Variants in SEMA4F observed in about 807,000 individuals in gnomAD.
SEMA4F encodes the protein ssemaphorin 4F, also known as semaphorin-4F.
SEMA4F carries 51 observed loss-of-function variants against 78.4 expected under a neutral mutation model. That is an observed-to-expected ratio of 0.65 (90% CI 0.52 to 0.82). The LOEUF (loss-of-function observed/expected upper bound fraction) is 0.82. SEMA4F is among the 40% of genes least tolerant of loss of function. SEMA4F has a pLI of 0.00. For synonymous variants in SEMA4F, 418 were observed against 408.7 expected, an observed-to-expected ratio of 1.02 and a Z score of -0.27; for missense variants, 938 against 1,014.4, an observed-to-expected ratio of 0.92 and a Z score of 1.02.
the SEMA4F span, among the ~76,000 whole-genome samples, chr2:74,704,029 A>G: frequency 6.6e-6 from 1 of 152,160 alleles, no homozygotes; most frequent in Non-Finnish European, 1.5e-5. Context: ...TAGACTGCAC[A>G]GGGGAGAAGA....
downstream of SEMA4F, among the ~76,000 whole-genome samples, chr2:74,686,998 GAAGAA>G (rs754021670): frequency 1.3e-5 from 2 of 151,616 alleles, no homozygotes; most frequent in African/African-American, 2.4e-5. Flanking sequence ...AAAAAAAAAA[GAAGAA>G]AAGAAAACTA....
intron 12 of SEMA4F, among the ~76,000 whole-genome samples, chr2:74,676,224 T>A (rs192841394): frequency 3.6e-4 from 55 of 152,354 alleles, no homozygotes; most frequent in Middle Eastern, 3.4e-3. Context: ...GTCCACTCCC[T>A]CTTTCCTTGA....
In SEMA4F at chr2:74,679,878, C is replaced by T. The variant is rs535914516; in HGVS notation, c.1982C>T (p.Ala661Val). The change falls in exon 14 of 14, where the codon GCG becomes GTG. Residue 661 changes from alanine (A) to valine (V), a missense_variant. Coordinates refer to ENST00000357877, the MANE Select transcript of SEMA4F (RefSeq NM_004263.5). Reference protein sequence around the residue: ...DAPSRAHTVGAGLAGFFLGIL... With the variant: ...DAPSRAHTVGVGLAGFFLGIL... Reference sequence around the variant, plus strand: ...CCGAGCCGGGCCCACACAGTGGGGGCGGGACTGGCTGGCTTCTTCTTGGGG... The same window carrying T: ...CCGAGCCGGGCCCACACAGTGGGGGTGGGACTGGCTGGCTTCTTCTTGGGG... The T allele has an allele frequency of 1.7e-5, 28 of 1,614,162 alleles. No homozygotes were observed. Among genetic ancestry groups the T allele is most frequent in the South Asian group, 1.4e-4 (13 of 91,086 alleles).
intron 10 of SEMA4F, 67 bp downstream of exon 10, chr2:74,675,451 G>A (rs1313123570): frequency 1.9e-6 from 3 of 1,590,890 alleles, no homozygotes; most frequent in Non-Finnish European, 2.6e-6. Context: ...AGAGGGTACT[G>A]TAATACATAT....
At chr2:74,672,466 C>T (rs527674886) in intron 5 of SEMA4F, among the ~76,000 whole-genome samples, 67 of 152,254 alleles carry the variant, frequency 4.4e-4, no homozygotes, top group African/African-American at 8.7e-4. Flanking sequence ...ACTTAGCACC[C>T]GGCACAGTTG....
rs1685713692 is a variant in SEMA4F at position 74,683,179 on chromosome 2, T to C, written c.*2970T>C. ...CATTTGTAAGACAGCAGGGATTCTC[T>C]GAAGATTAATGATTGAGAAGGATGA... On this transcript the variant is annotated 3_prime_UTR_variant, in exon 14 of 14. Transcript: ENST00000357877. The C allele has an allele frequency of 6.6e-6, 1 of 152,194 alleles. No homozygotes were observed. The highest frequency in any genetic ancestry group is 1.5e-5 in the Non-Finnish European group (1 of 68,040). The allele number at this position is 152,194 out of a possible 1,614,324, so 9.4% of individuals were successfully genotyped here. A position where few individuals can be genotyped will look rare whatever the true frequency, so the allele number is the denominator to read the frequency against.
In SEMA4F at chr2:74,673,495, G is replaced by T. The variant is rs1387273660; in HGVS notation, c.589G>T (p.Gly197Trp). The T allele has an allele frequency of 6.2e-7, 1 of 1,614,136 alleles. No individual in the cohort carries two copies. The highest frequency in any genetic ancestry group is 8.5e-7 in the Non-Finnish European group (1 of 1,180,018). Residue 197 changes from glycine (G) to tryptophan (W), a missense_variant, in exon 6 of 14, where the codon GGG (glycine) becomes TGG (tryptophan). Coordinates refer to ENST00000357877, the MANE Select transcript of SEMA4F (RefSeq NM_004263.5). ...TGCTGCCACTGTGAAAAACTACCTG[G>T]GGACGGAGCCAATTATCACCAGAGC... ...LYAATVKNYL[G>W]TEPIITRAVG... is the part of the protein sequence containing the mutation.
chr2:74,703,228 G>A, the SEMA4F span, among the ~76,000 whole-genome samples: 1 of 152,106 alleles, frequency 6.6e-6, no homozygotes, highest in African/African-American at 2.4e-5. Context: ...CTGAGCTGGG[G>A]GAAGATACAA....
chr2:74,673,964 A>C, intron 7 of SEMA4F, 136 bp downstream of exon 7: 1 of 1,061,166 alleles, frequency 9.4e-7, no homozygotes, highest in South Asian at 1.5e-5. Flanking sequence ...CTCTTCTGGG[A>C]GCTTGAGGAA....
intron 12 of SEMA4F, among the ~76,000 whole-genome samples, chr2:74,677,888 T>C (rs923814006): frequency 6.6e-6 from 1 of 152,236 alleles, no homozygotes; most frequent in Non-Finnish European, 1.5e-5. Context: ...GGGCTAGATA[T>C]GAAAGAAAAA....
At chr2:74,706,090 AAG>A in the SEMA4F span, among the ~76,000 whole-genome samples, 1 of 152,218 alleles carries the variant, frequency 6.6e-6, no homozygotes, top group African/African-American at 2.4e-5. Context: ...AAAAATGAAT[AAG>A]AGAAGGAGAA....
At chr2:74,654,843 G>A (rs910763560) in intron 1 of SEMA4F, among the ~76,000 whole-genome samples, 5 of 152,212 alleles carry the variant, frequency 3.3e-5, no homozygotes, top group African/African-American at 1.2e-4. Flanking sequence ...GGACACTGAG[G>A]CCCAGAGCTC....
chr2:74,673,547 G>A lies in SEMA4F; in HGVS notation c.641G>A (p.Arg214Gln), dbSNP rs758736621. Residue 214 changes from arginine (R) to glutamine (Q), a missense_variant, in exon 6 of 14, where the codon CGG becomes CAG. Arg to Gln is a conservative substitution (Grantham distance 43, BLOSUM62 1). Transcript: ENST00000357877. ...GTGGGTCGTGCCGAGGACTGGATTCGGACAGATACCTTGCCTTCCTGGCTG... is the reference window on the plus strand; with the variant it reads ...GTGGGTCGTGCCGAGGACTGGATTCAGACAGATACCTTGCCTTCCTGGCTG... ...RAVGRAEDWIRTDTLPSWLNA... is the reference protein window; with the variant it reads ...RAVGRAEDWIQTDTLPSWLNA... 3.1e-6 allele frequency: 5 copies of A among 1,614,128 alleles called. No homozygotes were observed. Among genetic ancestry groups the A allele is most frequent in the Admixed American group, 1.7e-5 (1 of 60,018 alleles).
chr2:74,691,364 G>A, the SEMA4F span, among the ~76,000 whole-genome samples: 2 of 152,278 alleles, frequency 1.3e-5, no homozygotes, highest in Admixed American at 6.5e-5. Context: ...CTTTGGACAA[G>A]GTGTGCAGCC....
At chr2:74,659,136 C>T (rs1321016358) in intron 4 of SEMA4F, among the ~76,000 whole-genome samples, 1 of 152,198 alleles carries the variant, frequency 6.6e-6, no homozygotes, top group African/African-American at 2.4e-5. Flanking sequence ...GTTCGCAGTT[C>T]AGGGTGTTGG....
intron 12 of SEMA4F, among the ~76,000 whole-genome samples, chr2:74,677,364 A>G (rs1466796829): frequency 6.6e-6 from 1 of 152,196 alleles, no homozygotes; most frequent in African/African-American, 2.4e-5. Context: ...AACTACTTTG[A>G]TGCAAATCCT....
intron 12 of SEMA4F, among the ~76,000 whole-genome samples, chr2:74,677,701 T>C (rs1292236303): frequency 6.6e-6 from 1 of 152,228 alleles, no homozygotes; most frequent in Non-Finnish European, 1.5e-5. Flanking sequence ...GAAGTCCAGT[T>C]AATTTATAGC....
chr2:74,678,108 G>C (rs1011992016), intron 12 of SEMA4F, among the ~76,000 whole-genome samples: 1 of 152,052 alleles, frequency 6.6e-6, no homozygotes, highest in African/African-American at 2.4e-5. Flanking sequence ...TTTTGGGGGA[G>C]AACTTTTAAA....
chr2:74,656,057 G>C (rs1684118795), intron 1 of SEMA4F, among the ~76,000 whole-genome samples: 1 of 151,054 alleles, frequency 6.6e-6, no homozygotes, highest in Non-Finnish European at 1.5e-5. Context: ...CACCCAGGCT[G>C]GTGTGCAGTG....
Sources: gnomAD v4.1 joint callset for allele counts (sites outside exome capture counted in the v4.1 genomes callset) on GRCh38, gnomAD v4.1.1 for gene constraint, MANE v1.5 for transcripts, NCBI Gene and HGNC (gene_info 2026-07-23, HGNC 2026-07-21) for gene names.